FGF13: variants seen among roughly 807,000 people sequenced by gnomAD.
FGF13 encodes the protein fibroblast growth factor 13.
Under a neutral mutation model 19.5 loss-of-function variants are expected in FGF13, and 2 were observed. The observed-to-expected ratio is 0.10, with a 90% confidence interval of 0.04 to 0.32. The LOEUF is 0.32. Ranked by LOEUF, FGF13 falls within the 10% of genes least tolerant of loss-of-function variation. FGF13 has a pLI of 1.00. For missense variants in FGF13, 113 were observed against 192.7 expected, an observed-to-expected ratio of 0.59 and a Z score of 2.45; for synonymous variants, 72 against 76.9, an observed-to-expected ratio of 0.94 and a Z score of 0.33.
chrX:138,695,169 C>T (rs754401149), intron 3 of FGF13, among the ~76,000 whole-genome samples: 10 of 111,400 alleles, frequency 9.0e-5, no homozygotes, highest in Non-Finnish European at 1.5e-4. Context: ...CATACTATCA[C>T]CTAAGCAGTA....
chrX:139,172,923 C>G (rs1393757108), intron 1 of FGF13, among the ~76,000 whole-genome samples: 1 of 111,600 alleles, frequency 9.0e-6, no homozygotes, highest in East Asian at 2.8e-4. Flanking sequence ...CTATCAGACA[C>G]TAAACAAATA....
At chrX:138,740,843 C>A (rs1170345598), upstream of FGF13, among the ~76,000 whole-genome samples, 1 of 112,417 alleles carries the variant, frequency 8.9e-6, no homozygotes, top group African/African-American at 3.2e-5. Flanking sequence ...AGGATCTCTA[C>A]ATTTTCGTTT....
At chrX:138,679,255 T>G (rs866927874) in intron 3 of FGF13, among the ~76,000 whole-genome samples, 6 of 110,157 alleles carry the variant, frequency 5.4e-5, no homozygotes, top group South Asian at 7.9e-4. Context: ...TTTTTTTTTC[T>G]TTTTGTAGAG....
rs1211167410 is a variant in FGF13 at position 139,045,748 on chromosome X, G to A, written c.-113+157668C>T. On this transcript the variant is annotated intron_variant, in intron 1 of 2. Coordinates refer to the FGF13 transcript ENST00000421460. ...AGCTCTTTGTTAATGCATAACACAC[G>A]TGACATTTGCTCCAGTTCCCAATAA... 4.5e-5 allele frequency among the ~76,000 whole-genome samples: 5 copies of A among 112,215 alleles called. No homozygotes were observed. In the East Asian group the frequency reaches 8.4e-4, roughly 19 times the overall value.
intron 1 of FGF13, among the ~76,000 whole-genome samples, chrX:138,722,770 G>A (rs886228710): frequency 6.3e-5 from 7 of 110,990 alleles, no homozygotes; most frequent in African/African-American, 2.0e-4. Flanking sequence ...ATTAGAAAAT[G>A]AAAAATATAA....
At chrX:138,809,007 A>C (rs2090897624) in intron 3 of FGF13, among the ~76,000 whole-genome samples, 1 of 111,945 alleles carries the variant, frequency 8.9e-6, no homozygotes, top group East Asian at 2.8e-4. Flanking sequence ...GCCGAATTCT[A>C]CCAGAGTTAC....
intron 1 of FGF13, among the ~76,000 whole-genome samples, chrX:139,034,938 T>A (rs2092245710): frequency 2.7e-5 from 3 of 111,978 alleles, no homozygotes; most frequent in Admixed American, 1.9e-4. Flanking sequence ...CAATGTTTTC[T>A]ATAATTTCTG....
chrX:138,885,843 A>C (rs2091449170), intron 1 of FGF13, among the ~76,000 whole-genome samples: 1 of 110,074 alleles, frequency 9.1e-6, no homozygotes. Context: ...ATATGTGTTA[A>C]ATAGATGAAT....
chrX:138,938,521 C>T lies in FGF13; in HGVS notation c.-112-73871G>A, dbSNP rs780052051. The stretch of plus-strand genomic sequence containing the variant: ...CATATATAAAAGGAAGCCAGAGTGG[C>T]GAGCTCTTGGCCTGGGATTCACGGG... On this transcript the variant is annotated intron_variant, in intron 1 of 2. Transcript: ENST00000421460. 1.4e-4 allele frequency among the ~76,000 whole-genome samples: 15 copies of T among 111,026 alleles called. No homozygotes were observed. In the South Asian group the frequency reaches 5.8e-3, roughly 43 times the overall value.
intron 1 of FGF13, among the ~76,000 whole-genome samples, chrX:139,059,959 T>A (rs145409697): frequency 0.028 from 3,101 of 111,938 alleles, 119 homozygotes; most frequent in African/African-American, 0.095. Context: ...TGTTGCCACA[T>A]GCTGTCCAAG....
chrX:138,902,015 A>C (rs1340483901), intron 1 of FGF13, among the ~76,000 whole-genome samples: 1 of 112,585 alleles, frequency 8.9e-6, no homozygotes, highest in Non-Finnish European at 1.9e-5. Flanking sequence ...CAAAGTTAAA[A>C]CACTCTAAGT....
At chrX:138,988,093 T>A (rs1354382439) in intron 1 of FGF13, among the ~76,000 whole-genome samples, 1 of 112,086 alleles carries the variant, frequency 8.9e-6, no homozygotes, top group African/African-American at 3.2e-5. Context: ...CACTATATTA[T>A]CTTTCACAGT....
intron 2 of FGF13, among the ~76,000 whole-genome samples, chrX:138,704,067 G>T (rs775011326): frequency 8.9e-6 from 1 of 112,086 alleles, no homozygotes; most frequent in East Asian, 2.8e-4. Flanking sequence ...AGTTGAGAGG[G>T]CTCCTAGCTT....
intron 1 of FGF13, among the ~76,000 whole-genome samples, chrX:138,716,919 C>T (rs1293444778): frequency 8.9e-6 from 1 of 112,127 alleles, no homozygotes; most frequent in African/African-American, 3.2e-5. Context: ...TTTCTGAGAT[C>T]ATTCTCTAAA....
intron 1 of FGF13, among the ~76,000 whole-genome samples, chrX:139,061,285 G>A (rs1416424987): frequency 1.8e-5 from 2 of 111,908 alleles, no homozygotes; most frequent in African/African-American, 3.3e-5. Context: ...GAGGATTGAT[G>A]CCCAATGTAA....
chrX:139,015,650 A>C (rs901281141), intron 1 of FGF13, among the ~76,000 whole-genome samples: 4 of 111,402 alleles, frequency 3.6e-5, no homozygotes, highest in African/African-American at 9.8e-5. Flanking sequence ...CAATCTACAG[A>C]CTCAATGCAA....
chrX:139,193,994 T>C (rs1004096814), intron 1 of FGF13, among the ~76,000 whole-genome samples: 1 of 112,094 alleles, frequency 8.9e-6, no homozygotes, highest in Non-Finnish European at 1.9e-5. Flanking sequence ...CATATTCATA[T>C]ATGTACTTTT....
At chrX:139,003,821 A>C (rs899592612) in intron 1 of FGF13, among the ~76,000 whole-genome samples, 2 of 111,372 alleles carry the variant, frequency 1.8e-5, no homozygotes, top group South Asian at 7.7e-4. Context: ...GCCCCACCAG[A>C]GCAGCTAGAT....
chrX:139,028,996 AGTAGCTGTAT>A (rs1224830583), intron 1 of FGF13, among the ~76,000 whole-genome samples: 1 of 110,809 alleles, frequency 9.0e-6, no homozygotes, highest in East Asian at 2.8e-4. Context: ...TAGCCATGTC[AGTAGCTGTAT>A]GACCTTAAGG....
Sources: allele counts gnomAD v4.1 joint callset (sites outside exome capture counted in the v4.1 genomes callset), GRCh38; gene constraint gnomAD v4.1.1; transcripts MANE v1.5; gene names NCBI Gene and HGNC (gene_info 2026-07-23, HGNC 2026-07-21).